CSNK2A1: variants seen among roughly 807,000 people sequenced by gnomAD.
The protein encoded by CSNK2A1 is casein kinase II subunit alpha.
In CSNK2A1, 10 loss-of-function variants were observed where a neutral mutation model predicts 62.9. The ratio of observed to expected loss-of-function variants is 0.16; its 90% CI spans 0.10 to 0.27. The LOEUF (loss-of-function observed/expected upper bound fraction) is 0.27, where lower values mean the gene tolerates loss of function less well. Ranked by LOEUF, CSNK2A1 falls within the 10% of genes least tolerant of loss-of-function variation. CSNK2A1 has a pLI of 1.00. For synonymous variants in CSNK2A1, 124 were observed against 167.8 expected (o/e 0.74, Z 2.02); for missense variants, 160 against 492.0 (o/e 0.33, Z 6.38).
chr20:536,000 G>C (rs6084819), intron 1 of CSNK2A1, among the ~76,000 whole-genome samples: 1 of 152,098 alleles, frequency 6.6e-6, no homozygotes, highest in Admixed American at 6.5e-5. Flanking sequence ...CAAGTCTATA[G>C]GTGAGCAAAG....
At chr20:525,268 T>G (rs1442619110) in intron 2 of CSNK2A1, among the ~76,000 whole-genome samples, 9 of 151,108 alleles carry the variant, frequency 6.0e-5, no homozygotes, top group African/African-American at 2.2e-4. Context: ...TCCCAGCACT[T>G]TGGGAGGCTG....
chr20:514,733 TG>T (rs1200210310), intron 2 of CSNK2A1, among the ~76,000 whole-genome samples: 1 of 152,186 alleles, frequency 6.6e-6, no homozygotes, highest in Non-Finnish European at 1.5e-5. Flanking sequence ...TGAGCCACCA[TG>T]CCCAACCAAG....
At chr20:501,221 T>G (rs1485791654) in intron 4 of CSNK2A1, 173 of 151,860 alleles carry the variant, frequency 1.1e-3, no homozygotes, top group Middle Eastern at 6.8e-3. Context: ...CCAGCCACCA[T>G]GCCCAGCTAA....
intron 3 of CSNK2A1, among the ~76,000 whole-genome samples, chr20:505,626 T>C (rs975655740): frequency 5.9e-5 from 9 of 151,280 alleles, no homozygotes; most frequent in East Asian, 1.9e-4. Context: ...CCTCCCAAAG[T>C]GCTGGGATTA....
intron 9 of CSNK2A1, 89 bp downstream of exon 9, chr20:492,164 TA>T: frequency 8.8e-7 from 1 of 1,130,954 alleles, no homozygotes; most frequent in Non-Finnish European, 1.3e-6. Flanking sequence ...GTGGCCTACC[TA>T]AATGCACAAA....
intron 1 of CSNK2A1, among the ~76,000 whole-genome samples, chr20:529,470 G>T (rs746923139): frequency 2.0e-5 from 3 of 152,126 alleles, no homozygotes; most frequent in Non-Finnish European, 4.4e-5. Context: ...TTGGTTACTT[G>T]AATGTTGCAG....
rs982977815 is a variant in CSNK2A1 at position 488,674 on chromosome 20, T to C, written c.824+4A>G. ...AGATGCACATATTTTGTTTCATGACTTACCTGCCCAAGATATCATTGAAAC... is the reference window on the plus strand; with the variant it reads ...AGATGCACATATTTTGTTTCATGACCTACCTGCCCAAGATATCATTGAAAC... On this transcript the variant is annotated splice_donor_region_variant and intron_variant, in intron 11 of 13. Coordinates refer to ENST00000217244, the MANE Select transcript of CSNK2A1 (RefSeq NM_177559.3). 9 of 1,613,154 alleles carry C rather than the reference T, an allele frequency of 5.6e-6. No individual in the cohort carries two copies. The highest frequency in any genetic ancestry group is 7.6e-6 in the Non-Finnish European group (9 of 1,179,636).
intron 1 of CSNK2A1, among the ~76,000 whole-genome samples, chr20:540,179 C>T (rs866965528): frequency 1.3e-5 from 2 of 152,142 alleles, no homozygotes; most frequent in Admixed American, 6.6e-5. Context: ...GTCCAACAGC[C>T]CTATTACTTT....
At position 543,764 on chromosome 20, in the gene CSNK2A1, G is replaced by A. The variant is rs1477756578; in HGVS notation, c.-319C>T. Reference sequence around the variant, plus strand: ...GGAGGAGGAGACACACGGCTCGGCCGCCAGCCGCAGGGACCAGAGCGAGGC... The same window carrying A: ...GGAGGAGGAGACACACGGCTCGGCCACCAGCCGCAGGGACCAGAGCGAGGC... On this transcript the variant is annotated 5_prime_UTR_variant, in exon 1 of 14. Coordinates refer to ENST00000217244, the MANE Select transcript of CSNK2A1 (RefSeq NM_177559.3). 2.3e-5 allele frequency: 9 copies of A among 398,274 alleles called. No individual in the cohort carries two copies. Among genetic ancestry groups the A allele is most frequent in the East Asian group, 2.1e-4 (6 of 28,062 alleles). 24.7% of individuals were successfully genotyped at this position (398,274 alleles called of 1,614,324 possible).
Position 478,765 on chromosome 20 carries a change from C to CAAAAAA in CSNK2A1, c.*5190_*5195dup, listed in dbSNP as rs750062577. On this transcript the variant is annotated 3_prime_UTR_variant, in exon 14 of 14. Coordinates refer to ENST00000217244, the MANE Select transcript of CSNK2A1 (RefSeq NM_177559.3). The stretch of plus-strand genomic sequence containing the variant: ...CAACACGGCAAAACTTCATCTCTAC[C>CAAAAAA]AAAAAAAAAAAAAAAAAAATTAGCC... 4.5e-5 allele frequency: 8 copies of CAAAAAA among 175,856 alleles called. No homozygotes were observed. The highest frequency in any genetic ancestry group is 1.9e-4 in the African/African-American group (6 of 31,778). 10.9% of individuals were successfully genotyped at this position (175,856 alleles called of 1,614,324 possible).
At position 481,294 on chromosome 20, in the gene CSNK2A1, A is replaced by G. The variant is rs551967486; in HGVS notation, c.*2667T>C. The G allele has an allele frequency of 4.3e-4, 65 of 152,308 alleles. No homozygotes were observed. The highest frequency in any genetic ancestry group is 1.5e-3 in the African/African-American group (63 of 41,574). 9.4% of individuals were successfully genotyped at this position (152,308 alleles called of 1,614,324 possible). ...GAAGAGGGGAGGGACCACTTCAAAC[A>G]AAGTTTAAAAATACTTTAAAAAATC... On this transcript the variant is annotated 3_prime_UTR_variant, in exon 14 of 14. Transcript: ENST00000217244.
At chr20:540,163 T>TG (rs1288173796) in intron 1 of CSNK2A1, among the ~76,000 whole-genome samples, 4 of 152,202 alleles carry the variant, frequency 2.6e-5, no homozygotes, top group Non-Finnish European at 5.9e-5. Context: ...CAGTAGAATT[T>TG]GGGGGGTCCA....
chr20:538,658 G>C (rs2019384668), intron 1 of CSNK2A1, among the ~76,000 whole-genome samples: 1 of 152,192 alleles, frequency 6.6e-6, no homozygotes, highest in Admixed American at 6.5e-5. Context: ...AACAGACAAT[G>C]ACAGGGAGAA....
At position 505,360 on chromosome 20, in the gene CSNK2A1, T is replaced by TTTTG. The variant is rs887192553; in HGVS notation, c.102-132_102-131insCAAA. On this transcript the variant is annotated intron_variant, in intron 3 of 13. Transcript: ENST00000217244. ...AACAATTCCCAAATAGGTTTTTTTT[T>TTTTG]TTTTTTTTTTTTTTTTGGAGATGGA... 7.2e-6 allele frequency: 5 copies of TTTTG among 699,112 alleles called. No individual in the cohort carries two copies. The African/African-American group carries it at 1.0e-4, about 14-fold the overall frequency. 43.3% of individuals were successfully genotyped at this position (699,112 alleles called of 1,614,324 possible).
At chr20:516,791 A>G (rs2018836857) in intron 2 of CSNK2A1, among the ~76,000 whole-genome samples, 2 of 152,180 alleles carry the variant, frequency 1.3e-5, no homozygotes, top group African/African-American at 4.8e-5. Flanking sequence ...CTTTAAGTCA[A>G]TTTTTGAACT....
intron 4 of CSNK2A1, chr20:500,579 G>A (rs1409113437): frequency 1.3e-5 from 2 of 152,176 alleles, no homozygotes; most frequent in Admixed American, 6.5e-5. Context: ...GAAAGATTTC[G>A]GAATATGGCT....
rs1382391918 is a variant in CSNK2A1 at position 475,853 on chromosome 20, A to G, written c.*8108T>C. On this transcript the variant is annotated 3_prime_UTR_variant, in exon 14 of 14. Coordinates refer to ENST00000217244, the MANE Select transcript of CSNK2A1 (RefSeq NM_177559.3). ...GAGTAGCTGCTGCAACTTCTGCCAC[A>G]TTGGGCAAACCTGAATCCAATTCAC... 1 of 152,222 alleles carries G rather than the reference A, an allele frequency of 6.6e-6. No homozygotes were observed. The highest frequency in any genetic ancestry group is 1.5e-5 in the Non-Finnish European group (1 of 68,050). 9.4% of individuals were successfully genotyped at this position (152,222 alleles called of 1,614,324 possible).
intron 3 of CSNK2A1, among the ~76,000 whole-genome samples, chr20:505,646 G>A (rs908525903): frequency 4.0e-5 from 6 of 148,592 alleles, no homozygotes; most frequent in South Asian, 2.1e-4. Flanking sequence ...ACAGGCGTGA[G>A]CCACCGCGCC....
chr20:487,305 G>C (rs960736094), intron 12 of CSNK2A1, 122 bp downstream of exon 12: 3 of 1,398,360 alleles, frequency 2.1e-6, no homozygotes, highest in Non-Finnish European at 2.9e-6. Context: ...CCCACTGGAA[G>C]AATCTGAGGC....
Sources: gnomAD v4.1 joint callset for allele counts (sites outside exome capture counted in the v4.1 genomes callset) on GRCh38, gnomAD v4.1.1 for gene constraint, MANE v1.5 for transcripts, NCBI Gene and HGNC (gene_info 2026-07-23, HGNC 2026-07-21) for gene names.